MYZAP: variants seen among roughly 807,000 people sequenced by gnomAD.
MYZAP encodes GRINL1A complex locus upstream.
Under a neutral mutation model 69.4 loss-of-function variants are expected in MYZAP, and 66 were observed. That is an observed-to-expected ratio of 0.95 (90% CI 0.78 to 1.17). The LOEUF is 1.17. Ranked by LOEUF, MYZAP falls within the 50% of genes most tolerant of loss-of-function variation. The probability of loss-of-function intolerance (pLI) is 0.00; values close to 1 mark genes in which losing one functional copy is unlikely to be tolerated. For synonymous variants in MYZAP, 256 were observed against 205.9 expected, an observed-to-expected ratio of 1.24 and a Z score of -2.09; for missense variants, 611 against 556.2, an observed-to-expected ratio of 1.10 and a Z score of -0.99.
At chr15:57,653,587 G>A (rs2037834119) in intron 10 of MYZAP, among the ~76,000 whole-genome samples, 1 of 152,078 alleles carries the variant, frequency 6.6e-6, no homozygotes, top group Admixed American at 6.5e-5. Flanking sequence ...TTCGTTTTCT[G>A]TTTTTAAAGA....
chr15:57,669,417 A>T (rs1270106886), intron 11 of MYZAP, among the ~76,000 whole-genome samples: 1 of 152,020 alleles, frequency 6.6e-6, no homozygotes, highest in Non-Finnish European at 1.5e-5. Flanking sequence ...TTTTTTCTAC[A>T]CAGATGCCCA....
At chr15:57,652,300 T>C (rs761466445) in intron 10 of MYZAP, among the ~76,000 whole-genome samples, 49 of 152,228 alleles carry the variant, frequency 3.2e-4, no homozygotes, top group Non-Finnish European at 5.7e-4. Context: ...ATTTTCTTCA[T>C]GCTTATTAAA....
At chr15:57,626,364 A>G (rs1367936969) in intron 5 of MYZAP, among the ~76,000 whole-genome samples, 1 of 152,360 alleles carries the variant, frequency 6.6e-6, no homozygotes, top group East Asian at 1.9e-4. Context: ...AGAAAGAATC[A>G]TGGATATTCC....
intron 1 of MYZAP, chr15:57,599,367 T>TTTTG: frequency 1.2e-6 from 1 of 829,524 alleles, no homozygotes; most frequent in Non-Finnish European, 1.5e-6. Flanking sequence ...TTTTTTTTTT[T>TTTTG]GCCATCGTCG....
At chr15:57,648,929 AT>A (rs1227531641) in intron 10 of MYZAP, among the ~76,000 whole-genome samples, 1 of 150,578 alleles carries the variant, frequency 6.6e-6, no homozygotes, top group Non-Finnish European at 1.5e-5. Flanking sequence ...TGCCTTGATG[AT>A]TTTACTGTGT....
intron 7 of MYZAP, among the ~76,000 whole-genome samples, chr15:57,633,114 G>A (rs570614666): frequency 6.6e-5 from 10 of 152,330 alleles, no homozygotes; most frequent in African/African-American, 1.7e-4. Context: ...GAGATTATAA[G>A]TTCCTGAAGG....
chr15:57,616,761 G>A (rs1368467446), intron 2 of MYZAP, among the ~76,000 whole-genome samples: 20 of 143,440 alleles, frequency 1.4e-4, no homozygotes, highest in African/African-American at 4.4e-4. Context: ...AGTGAGCCAC[G>A]ATCACGCCAC....
intron 10 of MYZAP, among the ~76,000 whole-genome samples, chr15:57,658,692 A>G (rs1439936750): frequency 6.6e-6 from 1 of 152,178 alleles, no homozygotes; most frequent in East Asian, 1.9e-4. Context: ...TTCATCGTGT[A>G]TCACTTCTGG....
chr15:57,618,087 T>C lies in MYZAP; in HGVS notation c.217T>C (p.Tyr73His). ...PTRKLPQGVVYGVVRRSDQNQ... is the reference protein window; with the variant it reads ...PTRKLPQGVVHGVVRRSDQNQ... The stretch of plus-strand genomic sequence containing the variant: ...CAGGAAACTTCCTCAGGGTGTTGTT[T>C]ATGGTGTGGTGCGAAGATCAGATCA... The change falls in exon 3 of 13, where the codon TAT (tyrosine) becomes CAT (histidine). Residue 73 changes from tyrosine to histidine, a missense_variant. By Grantham distance (83) the Tyr-to-His change is moderately conservative (BLOSUM62 2). Coordinates refer to ENST00000267853, the MANE Select transcript of MYZAP (RefSeq NM_001018100.5). The C allele has an allele frequency of 6.2e-7, 1 of 1,614,206 alleles. No homozygotes were observed. The highest frequency in any genetic ancestry group is 8.5e-7 in the Non-Finnish European group (1 of 1,180,034).
At position 57,627,413 on chromosome 15, in the gene MYZAP, G is replaced by A. The variant is rs867728805; in HGVS notation, c.525+1521G>A. ...AGGGGGAGGGGGAGGGGAGGGGAAG[G>A]GGGAGGAGGAGGAGGAGGAGAAGGA... is the stretch of plus-strand genomic sequence containing the variant. On this transcript the variant is annotated intron_variant, in intron 5 of 12. Transcript: ENST00000267853. 7.2e-3 allele frequency among the ~76,000 whole-genome samples: 1,003 copies of A among 138,440 alleles called. 11 individuals are homozygous for A. Among genetic ancestry groups the A allele is most frequent in the South Asian group, 0.037 (154 of 4,202 alleles). 90.8% of individuals were successfully genotyped at this position (138,440 alleles called of 152,430 possible).
intron 8 of MYZAP, among the ~76,000 whole-genome samples, chr15:57,634,973 G>C (rs1049786173): frequency 6.6e-6 from 1 of 152,180 alleles, no homozygotes; most frequent in African/African-American, 2.4e-5. Context: ...GAAGATCCCA[G>C]TTAACTCAGA....
intron 2 of MYZAP, among the ~76,000 whole-genome samples, chr15:57,608,548 G>A (rs1164351478): frequency 6.6e-6 from 1 of 152,182 alleles, no homozygotes; most frequent in Non-Finnish European, 1.5e-5. Context: ...CCCCGACACT[G>A]CTTTATGCTG....
At chr15:57,629,253 A>G (rs1414775393) in intron 5 of MYZAP, among the ~76,000 whole-genome samples, 2 of 152,214 alleles carry the variant, frequency 1.3e-5, no homozygotes, top group African/African-American at 4.8e-5. Flanking sequence ...ACTATCATTC[A>G]GATTTCCTCC....
chr15:57,627,549 C>T (rs1481687662), intron 5 of MYZAP, among the ~76,000 whole-genome samples: 5 of 152,130 alleles, frequency 3.3e-5, no homozygotes, highest in African/African-American at 1.2e-4. Context: ...TGGACCGAGT[C>T]TGAAGAGAGC....
rs1359520031 is a variant in MYZAP at position 57,671,175 on chromosome 15, C to T, written c.1204-3793C>T. On this transcript the variant is annotated intron_variant, in intron 11 of 12. Coordinates refer to ENST00000267853, the MANE Select transcript of MYZAP (RefSeq NM_001018100.5). ...TTATCTGAAAGTAAGGTTTTTATTTCGCCTTCATTATTGAAAGATATAGAG... is the reference window on the plus strand; with the variant it reads ...TTATCTGAAAGTAAGGTTTTTATTTTGCCTTCATTATTGAAAGATATAGAG... 4.6e-5 allele frequency among the ~76,000 whole-genome samples: 7 copies of T among 152,126 alleles called. No homozygotes were observed. The South Asian group carries it at 6.2e-4, about 14-fold the overall frequency.
chr15:57,624,616 A>G (rs1285049386), intron 4 of MYZAP, among the ~76,000 whole-genome samples: 1 of 152,238 alleles, frequency 6.6e-6, no homozygotes, highest in African/African-American at 2.4e-5. Context: ...CAATAGATGC[A>G]TAAACAAGAC....
chr15:57,638,288 A>G (rs759080483), intron 9 of MYZAP, among the ~76,000 whole-genome samples: 3 of 152,188 alleles, frequency 2.0e-5, no homozygotes, highest in Non-Finnish European at 4.4e-5. Flanking sequence ...TAGTGAAGGA[A>G]AACAAGGTTG....
Position 57,629,816 on chromosome 15 carries a change from G to T in MYZAP, c.640G>T (p.Glu214Ter). 2 of 1,613,952 alleles carry T rather than the reference G, an allele frequency of 1.2e-6. No individual in the cohort carries two copies. The highest frequency in any genetic ancestry group is 1.7e-6 in the Non-Finnish European group (2 of 1,179,974). Reference sequence around the variant, plus strand: ...GCTGAGGGAAAAGCAGAGGCAGTTGGAGGTAGCGCAAGTTGAAAACCAGCT... The same window carrying T: ...GCTGAGGGAAAAGCAGAGGCAGTTGTAGGTAGCGCAAGTTGAAAACCAGCT... ...DKLREKQRQL[E>*]VAQVENQLLK... The change falls in exon 6 of 13, where the codon GAG (glutamate) becomes TAG (stop). Residue 214 changes from glutamate (E) to a stop codon, truncating the protein, a stop_gained. Coordinates refer to ENST00000267853, the MANE Select transcript of MYZAP (RefSeq NM_001018100.5). LOFTEE classifies it high-confidence loss of function.
In MYZAP at chr15:57,642,869, A is replaced by T. The variant is rs137974926; in HGVS notation, c.1119+3324A>T. 2.9e-3 allele frequency among the ~76,000 whole-genome samples: 438 copies of T among 152,280 alleles called. 4 individuals carry two copies. Among genetic ancestry groups the T allele is most frequent in the African/African-American group, 0.01 (424 of 41,564 alleles). On this transcript the variant is annotated intron_variant, in intron 10 of 12. Transcript: ENST00000267853. ...GGTGGGAGACAGTAGGACTTGTACTATGTAGGAAGGGCTCATGGTGGGGGT... is the reference window on the plus strand; with the variant it reads ...GGTGGGAGACAGTAGGACTTGTACTTTGTAGGAAGGGCTCATGGTGGGGGT...
Sources: gnomAD v4.1 joint callset for allele counts (sites outside exome capture counted in the v4.1 genomes callset) on GRCh38, gnomAD v4.1.1 for gene constraint, MANE v1.5 for transcripts, NCBI Gene and HGNC (gene_info 2026-07-23, HGNC 2026-07-21) for gene names.